IL4I1: variants seen among roughly 807,000 people sequenced by gnomAD.
IL4I1 encodes interleukin 4 induced 1.
Under a neutral mutation model 29.7 loss-of-function variants are expected in IL4I1, and 24 were observed. That is an observed-to-expected ratio of 0.81 (90% CI 0.59 to 1.14). The LOEUF (loss-of-function observed/expected upper bound fraction) is 1.14, where lower values mean the gene tolerates loss of function less well. IL4I1 is among the 50% of genes most tolerant of loss of function. IL4I1 has a pLI of 0.00. For synonymous variants in IL4I1, 371 were observed against 352.5 expected (o/e 1.05, Z -0.59); for missense variants, 686 against 785.6 (o/e 0.87, Z 1.52).
At chr19:49,893,927 A>G (rs186307367) in intron 5 of IL4I1, among the ~76,000 whole-genome samples, 2 of 141,300 alleles carry the variant, frequency 1.4e-5, no homozygotes, top group East Asian at 4.8e-4. Flanking sequence ...CGGAGGTTGC[A>G]GTGAGCTGAA....
At chr19:49,924,639 C>A (rs989714723) in intron 2 of IL4I1, among the ~76,000 whole-genome samples, 4 of 152,206 alleles carry the variant, frequency 2.6e-5, no homozygotes, top group Admixed American at 1.3e-4. Context: ...CCTGAAGGGG[C>A]CACAGGCCTG....
At chr19:49,891,281 C>T in intron 6 of IL4I1, 124 bp downstream of exon 6, 1 of 1,412,556 alleles carries the variant, frequency 7.1e-7, no homozygotes, top group Non-Finnish European at 9.9e-7. Context: ...GTCCAGCCCC[C>T]GGGTCAGGCA....
chr19:49,905,130 ATATAAC>A (rs1008917298), intron 2 of IL4I1, among the ~76,000 whole-genome samples: 5 of 152,240 alleles, frequency 3.3e-5, no homozygotes, highest in African/African-American at 9.6e-5. Flanking sequence ...TATTTTAAAA[ATATAAC>A]TATAAGAAAG....
At chr19:49,903,578 CT>C (rs1316642488) in intron 3 of IL4I1, among the ~76,000 whole-genome samples, 1 of 152,186 alleles carries the variant, frequency 6.6e-6, no homozygotes, top group Non-Finnish European at 1.5e-5. Flanking sequence ...AGCCGCTGCC[CT>C]GAGTCTGAGG....
chr19:49,890,704 C>A (rs2075123418), intron 7 of IL4I1, 104 bp from the exon 8 acceptor site: 2 of 1,040,712 alleles, frequency 1.9e-6, no homozygotes, highest in Non-Finnish European at 2.7e-6. Flanking sequence ...TGGGCACCGG[C>A]CCGCTCCCCC....
chr19:49,913,078 G>A (rs754356195), intron 2 of IL4I1: 4 of 152,496 alleles, frequency 2.6e-5, no homozygotes, highest in Non-Finnish European at 5.9e-5. Flanking sequence ...CAGGTTCCAG[G>A]GAGAAGCTGA....
chr19:49,896,723 C>T (rs977316169), intron 1 of IL4I1, 112 bp downstream of exon 1: 30 of 653,950 alleles, frequency 4.6e-5, no homozygotes, highest in African/African-American at 2.0e-4. Context: ...CATGAGCCCC[C>T]GCGCCCGGCC....
At chr19:49,914,257 G>A (rs970974952) in intron 2 of IL4I1, among the ~76,000 whole-genome samples, 2 of 152,218 alleles carry the variant, frequency 1.3e-5, no homozygotes, top group African/African-American at 4.8e-5. Context: ...TGCCAAAGGG[G>A]AGAGTTTCCT....
chr19:49,898,260 G>A (rs144846527), upstream of IL4I1, among the ~76,000 whole-genome samples: 667 of 152,354 alleles, frequency 4.4e-3, 1 homozygote, highest in African/African-American at 0.011. Flanking sequence ...GGTGGAGGTT[G>A]CAGTGAGCTG....
At position 49,895,095 on chromosome 19, in the gene IL4I1, C is replaced by T; in HGVS notation, c.338G>A (p.Gly113Glu). ...DQNTGWIGEL[G>E]AMRMPSSHRI... ...GTGAGAGCTGGGCATGCGCATGGCT[C>T]CCAGCTCCCCAATCCAGCCCGTGTT... The change falls in exon 4 of 8, where the codon GGA (glycine) becomes GAA (glutamate). Residue 113 changes from glycine to glutamate, a missense_variant. Transcript: ENST00000391826. 1 of 1,613,700 alleles carries T rather than the reference C, an allele frequency of 6.2e-7. No homozygotes were observed. The highest frequency in any genetic ancestry group is 1.1e-5 in the South Asian group (1 of 91,076).
upstream of IL4I1, among the ~76,000 whole-genome samples, chr19:49,897,206 C>G (rs2075221920): frequency 6.6e-6 from 1 of 152,254 alleles, no homozygotes; most frequent in Admixed American, 6.5e-5. Context: ...CCTGCACTCT[C>G]TCTGCCTCCT....
chr19:49,928,632 T>C (rs1464326551), intron 1 of IL4I1: 1 of 152,252 alleles, frequency 6.6e-6, no homozygotes, highest in Admixed American at 6.5e-5. Flanking sequence ...TGATTTTTCT[T>C]ATTTTACAGA....
chr19:49,913,378 T>C (rs2075529994), intron 2 of IL4I1, among the ~76,000 whole-genome samples: 1 of 152,216 alleles, frequency 6.6e-6, no homozygotes, highest in Admixed American at 6.5e-5. Context: ...TTTGTTTACC[T>C]GGGGCCCCAG....
At chr19:49,909,167 A>C in intron 2 of IL4I1, 1 of 1,613,514 alleles carries the variant, frequency 6.2e-7, no homozygotes, top group Non-Finnish European at 8.5e-7. Flanking sequence ...AGTGCTGGTG[A>C]TGGTGGCTGT....
intron 5 of IL4I1, among the ~76,000 whole-genome samples, 194 bp downstream of exon 5, chr19:49,894,074 G>A (rs1444312286): frequency 2.6e-5 from 4 of 151,648 alleles, no homozygotes; most frequent in Admixed American, 6.6e-5. Flanking sequence ...TCTCATTCTC[G>A]GATTTCAGTG....
chr19:49,917,620 T>A, intron 2 of IL4I1: 1 of 151,940 alleles, frequency 6.6e-6, no homozygotes, highest in African/African-American at 2.4e-5. Context: ...AGACTCTGTG[T>A]GGGAGGAGTG....
At chr19:49,905,020 G>A (rs1038207454) in intron 2 of IL4I1, among the ~76,000 whole-genome samples, 9 of 151,996 alleles carry the variant, frequency 5.9e-5, no homozygotes, top group African/African-American at 1.7e-4. Flanking sequence ...CCTAATTTTT[G>A]TATTTTTAGA....
chr19:49,912,568 C>G (rs747618548), intron 2 of IL4I1, among the ~76,000 whole-genome samples: 1 of 152,158 alleles, frequency 6.6e-6, no homozygotes. Context: ...CCCTGATCCA[C>G]GCAGTTTAGA....
intron 2 of IL4I1, among the ~76,000 whole-genome samples, chr19:49,919,115 T>C (rs1343610126): frequency 6.6e-6 from 1 of 152,258 alleles, no homozygotes; most frequent in East Asian, 1.9e-4. Context: ...ATCACACCAC[T>C]GCACTCCAGC....
Sources: allele counts gnomAD v4.1 joint callset (sites outside exome capture counted in the v4.1 genomes callset), GRCh38; gene constraint gnomAD v4.1.1; transcripts MANE v1.5; gene names NCBI Gene and HGNC (gene_info 2026-07-23, HGNC 2026-07-21).